CPEB3: variants seen among roughly 807,000 people sequenced by gnomAD.
The protein encoded by CPEB3 is cytoplasmic polyadenylation element-binding protein 3.
Under a neutral mutation model 67.2 loss-of-function variants are expected in CPEB3, and 20 were observed. That is an observed-to-expected ratio of 0.30 (90% CI 0.21 to 0.43). CPEB3 has a LOEUF of 0.43. Among genes scored for constraint, CPEB3 ranks in the 20% least tolerant of loss-of-function variants. CPEB3 has a pLI of 1.00. For synonymous variants in CPEB3, 376 were observed against 393.1 expected (o/e 0.96, Z 0.51); for missense variants, 746 against 968.6 (o/e 0.77, Z 3.05).
rs143403631 is a variant in CPEB3, at chr10:92,232,678, A to G, written c.1005+6668T>C. Among the ~76,000 whole-genome samples, 856 of 151,968 alleles carry G rather than the reference A, an allele frequency of 5.6e-3. 10 individuals carry two copies. Among genetic ancestry groups the G allele is most frequent in the African/African-American group, 0.02 (816 of 41,440 alleles). ...GAAGCTGAGGCAGGAGAATCACTTG[A>G]ACCCGGGAGGCAGAGGTTGCAGTGA... On this transcript the variant is annotated intron_variant, in intron 2 of 9. Coordinates refer to ENST00000265997, the MANE Select transcript of CPEB3 (RefSeq NM_014912.5).
At chr10:92,133,351 C>T (rs1845934572) in intron 6 of CPEB3, among the ~76,000 whole-genome samples, 1 of 152,142 alleles carries the variant, frequency 6.6e-6, no homozygotes, top group Admixed American at 6.5e-5. Flanking sequence ...CCACCGATCC[C>T]ACAGAAATAC....
At chr10:92,267,600 C>CA (rs1272988782) in intron 1 of CPEB3, among the ~76,000 whole-genome samples, 2 of 152,016 alleles carry the variant, frequency 1.3e-5, no homozygotes, top group African/African-American at 4.8e-5. Flanking sequence ...CAGACTGTGG[C>CA]AGAGTTAAGA....
chr10:92,171,777 A>G (rs1169927454), intron 4 of CPEB3, among the ~76,000 whole-genome samples: 1 of 151,922 alleles, frequency 6.6e-6, no homozygotes, highest in Non-Finnish European at 1.5e-5. Context: ...ACCATGCCTG[A>G]CTAATTTTTG....
intron 1 of CPEB3, among the ~76,000 whole-genome samples, chr10:92,280,648 G>A (rs1313137296): frequency 3.2e-5 from 4 of 124,612 alleles, no homozygotes; most frequent in Non-Finnish European, 6.7e-5. Flanking sequence ...TCAGTGGGCC[G>A]AGAGTGAAAA....
At chr10:92,160,049 C>A (rs932345279) in intron 4 of CPEB3, among the ~76,000 whole-genome samples, 2 of 151,870 alleles carry the variant, frequency 1.3e-5, no homozygotes, top group Non-Finnish European at 1.5e-5. Flanking sequence ...CAGGTTCAAG[C>A]GATTCTCCTG....
At chr10:92,273,837 T>G (rs920437743) in intron 1 of CPEB3, among the ~76,000 whole-genome samples, 3 of 152,116 alleles carry the variant, frequency 2.0e-5, no homozygotes, top group African/African-American at 7.2e-5. Flanking sequence ...GGCTGACACT[T>G]TTCCTTGCTC....
At chr10:92,202,947 C>CTT (rs558484576) in intron 2 of CPEB3, among the ~76,000 whole-genome samples, 2 of 142,424 alleles carry the variant, frequency 1.4e-5, no homozygotes, top group Non-Finnish European at 1.5e-5. Flanking sequence ...TATTTTTAAG[C>CTT]TTTTTTTTTT....
chr10:92,071,545 G>A (rs1011523336), intron 9 of CPEB3, among the ~76,000 whole-genome samples: 1 of 151,860 alleles, frequency 6.6e-6, no homozygotes, highest in Non-Finnish European at 1.5e-5. Context: ...GCCTGGCCAA[G>A]ATGGTGAAAC....
intron 4 of CPEB3, among the ~76,000 whole-genome samples, chr10:92,149,217 T>A (rs890826770): frequency 6.6e-6 from 1 of 152,180 alleles, no homozygotes; most frequent in African/African-American, 2.4e-5. Context: ...CTGGCTTATT[T>A]TGAACGACAC....
intron 3 of CPEB3, among the ~76,000 whole-genome samples, chr10:92,187,556 T>TGAGCAGAG (rs1385662679): frequency 1.1e-4 from 16 of 152,332 alleles, no homozygotes; most frequent in African/African-American, 3.8e-4. Context: ...CTTACTTCTC[T>TGAGCAGAG]GCTCAATGTG....
chr10:92,272,009 A>G (rs755298981), intron 1 of CPEB3: 25 of 152,146 alleles, frequency 1.6e-4, no homozygotes, highest in Non-Finnish European at 4.4e-5. Flanking sequence ...ATTTATTTCT[A>G]TGGGTCCATA....
chr10:92,214,996 T>C (rs1850278787), intron 2 of CPEB3, among the ~76,000 whole-genome samples: 1 of 151,788 alleles, frequency 6.6e-6, no homozygotes. Context: ...TACAGGCATA[T>C]GCCACCATAT....
intron 1 of CPEB3, among the ~76,000 whole-genome samples, chr10:92,288,224 C>T (rs1296453780): frequency 6.6e-6 from 1 of 151,962 alleles, no homozygotes; most frequent in Non-Finnish European, 1.5e-5. Flanking sequence ...TTTTGGGAGG[C>T]CGAGGTGGGA....
chr10:92,229,584 A>C (rs1851164344), intron 2 of CPEB3, among the ~76,000 whole-genome samples: 1 of 152,198 alleles, frequency 6.6e-6, no homozygotes, highest in Non-Finnish European at 1.5e-5. Flanking sequence ...AACTCTGCTT[A>C]CTTCTTGGCA....
At chr10:92,125,062 G>C (rs1473355112) in intron 6 of CPEB3, among the ~76,000 whole-genome samples, 3 of 152,236 alleles carry the variant, frequency 2.0e-5, no homozygotes, top group Non-Finnish European at 2.9e-5. Context: ...CCTTGGTTAA[G>C]AGCACCAGAG....
intron 4 of CPEB3, among the ~76,000 whole-genome samples, chr10:92,168,875 A>C (rs1360067649): frequency 6.9e-6 from 1 of 144,240 alleles, no homozygotes; most frequent in Admixed American, 7.3e-5. Flanking sequence ...AGCTCACTGC[A>C]ACCTCTGCCT....
intron 1 of CPEB3, among the ~76,000 whole-genome samples, chr10:92,275,941 T>C (rs933349435): frequency 6.7e-6 from 1 of 148,932 alleles, no homozygotes; most frequent in African/African-American, 2.5e-5. Flanking sequence ...CTCCGCCTCC[T>C]GGGTTCACGC....
At chr10:92,092,320 G>A (rs1843654947) in intron 7 of CPEB3, among the ~76,000 whole-genome samples, 1 of 152,160 alleles carries the variant, frequency 6.6e-6, no homozygotes, top group Admixed American at 6.5e-5. Flanking sequence ...TGTTTTAAGA[G>A]TTCATCTAAA....
chr10:92,269,535 T>C (rs1369551532), intron 1 of CPEB3, among the ~76,000 whole-genome samples: 2 of 152,128 alleles, frequency 1.3e-5, no homozygotes, highest in South Asian at 2.1e-4. Context: ...ACTGTGCATC[T>C]TGACCCAGCT....
Sources: gnomAD v4.1 joint callset for allele counts (sites outside exome capture counted in the v4.1 genomes callset) on GRCh38, gnomAD v4.1.1 for gene constraint, MANE v1.5 for transcripts, NCBI Gene and HGNC (gene_info 2026-07-23, HGNC 2026-07-21) for gene names.